Variants in LRP1B observed in about 807,000 individuals in gnomAD.
LRP1B encodes the protein LDL receptor related protein 1B.
LRP1B carries 217 observed loss-of-function variants against 556.6 expected under a neutral mutation model. That is an observed-to-expected ratio of 0.39 (90% CI 0.35 to 0.44). The LOEUF (loss-of-function observed/expected upper bound fraction) is 0.44. Among genes scored for constraint, LRP1B ranks in the 20% least tolerant of loss-of-function variants. LRP1B has a pLI of 1.00. For missense variants in LRP1B, 5,053 were observed against 5,620.8 expected, an observed-to-expected ratio of 0.90 and a Z score of 3.23; for synonymous variants, 2,047 against 1,865.8, an observed-to-expected ratio of 1.10 and a Z score of -2.50.
chr2:141,311,266 T>G (rs897606055), intron 3 of LRP1B, among the ~76,000 whole-genome samples: 1 of 152,184 alleles, frequency 6.6e-6, no homozygotes, highest in Non-Finnish European at 1.5e-5. Flanking sequence ...TTTGTTGTAA[T>G]CTTTTTTCTC....
intron 1 of LRP1B, among the ~76,000 whole-genome samples, chr2:142,031,298 C>A (rs1325914648): frequency 2.8e-5 from 4 of 144,116 alleles, no homozygotes; most frequent in Non-Finnish European, 4.6e-5. Context: ...CTGGTAAAAA[C>A]AGATATATTT....
intron 1 of LRP1B, among the ~76,000 whole-genome samples, chr2:142,080,666 T>C (rs1705678494): frequency 6.6e-6 from 1 of 152,192 alleles, no homozygotes; most frequent in South Asian, 2.1e-4. Flanking sequence ...CTTTCTACCT[T>C]GGAATGATCA....
At chr2:140,897,846 G>A (rs1301536494) in intron 23 of LRP1B, among the ~76,000 whole-genome samples, 1 of 152,106 alleles carries the variant, frequency 6.6e-6, no homozygotes, top group Non-Finnish European at 1.5e-5. Flanking sequence ...TACTTTTGAG[G>A]TTTTGGGACT....
chr2:142,090,973 G>A (rs777001070), intron 1 of LRP1B, among the ~76,000 whole-genome samples: 2 of 151,966 alleles, frequency 1.3e-5, no homozygotes, highest in Non-Finnish European at 2.9e-5. Flanking sequence ...ATATATGATT[G>A]CAATAACTTT....
intron 3 of LRP1B, among the ~76,000 whole-genome samples, chr2:141,408,333 A>T (rs62167977): frequency 0.42 from 63,912 of 151,362 alleles, 14,706 homozygotes; most frequent in Non-Finnish European, 0.53. Context: ...TTTAGTAGAG[A>T]TGGCGTTTCA....
chr2:141,625,320 C>T (rs950252723), intron 2 of LRP1B, among the ~76,000 whole-genome samples: 1 of 152,038 alleles, frequency 6.6e-6, no homozygotes, highest in African/African-American at 2.4e-5. Flanking sequence ...TAATATTATA[C>T]TCAATGATAG....
chr2:141,095,601 A>G (rs1700277844), intron 7 of LRP1B, among the ~76,000 whole-genome samples: 1 of 151,714 alleles, frequency 6.6e-6, no homozygotes, highest in Admixed American at 6.6e-5. Flanking sequence ...AGTTCTGTTC[A>G]ATTTCAATTC....
chr2:141,858,546 G>C (rs995467217), intron 1 of LRP1B, among the ~76,000 whole-genome samples: 1 of 152,118 alleles, frequency 6.6e-6, no homozygotes, highest in Admixed American at 6.6e-5. Context: ...TAACGACATA[G>C]ACTTAAGGAA....
At chr2:141,835,249 C>T (rs1697239009) in intron 1 of LRP1B, among the ~76,000 whole-genome samples, 1 of 151,952 alleles carries the variant, frequency 6.6e-6, no homozygotes, top group African/African-American at 2.4e-5. Context: ...CTAAATCACT[C>T]ATCTTTTATA....
intron 32 of LRP1B, among the ~76,000 whole-genome samples, chr2:140,776,505 T>TTTTTTTTTTTTTTTTTTTTTTTTTTTG (rs1402600516): frequency 1.3e-5 from 2 of 148,474 alleles, no homozygotes; most frequent in East Asian, 2.0e-4. Context: ...TCTTATATTT[T>TTTTTTTTTTTTTTTTTTTTTTTTTTTG]ACATAACATG....
intron 51 of LRP1B, 94 bp from the exon 52 acceptor site, chr2:140,510,150 A>G: frequency 7.2e-7 from 1 of 1,383,574 alleles, no homozygotes; most frequent in South Asian, 1.3e-5. Flanking sequence ...GGGAAGCAGA[A>G]GAATGTTGCT....
intron 2 of LRP1B, among the ~76,000 whole-genome samples, chr2:141,554,965 C>T (rs1336389763): frequency 2.0e-5 from 3 of 151,938 alleles, no homozygotes; most frequent in African/African-American, 7.2e-5. Context: ...AGAAGAGCTT[C>T]GTTCTTGGGA....
intron 41 of LRP1B, among the ~76,000 whole-genome samples, chr2:140,639,451 G>A (rs1684195249): frequency 6.6e-6 from 1 of 152,086 alleles, no homozygotes; most frequent in African/African-American, 2.4e-5. Flanking sequence ...CAAATCTTAG[G>A]CTTGCTTTAC....
intron 1 of LRP1B, among the ~76,000 whole-genome samples, chr2:142,118,735 CTTAGA>C (rs969449004): frequency 7.2e-5 from 11 of 152,170 alleles, no homozygotes; most frequent in Admixed American, 2.0e-4. Context: ...TTTTTATTTA[CTTAGA>C]TTAATTTATT....
intron 3 of LRP1B, among the ~76,000 whole-genome samples, chr2:141,421,251 G>C (rs1327913892): frequency 6.6e-6 from 1 of 152,056 alleles, no homozygotes; most frequent in Non-Finnish European, 1.5e-5. Flanking sequence ...TCTTTCGGCC[G>C]GGCGCGGTGG....
intron 1 of LRP1B, among the ~76,000 whole-genome samples, chr2:141,935,151 A>G (rs1443920884): frequency 6.6e-6 from 1 of 152,200 alleles, no homozygotes; most frequent in African/African-American, 2.4e-5. Context: ...TGGTGAATAC[A>G]TAGCTATTGG....
At chr2:141,360,455 T>TA (rs1407846836) in intron 3 of LRP1B, among the ~76,000 whole-genome samples, 1 of 152,354 alleles carries the variant, frequency 6.6e-6, no homozygotes, top group Non-Finnish European at 1.5e-5. Flanking sequence ...ACAGAATGGA[T>TA]ATGTATGTGA....
intron 37 of LRP1B, among the ~76,000 whole-genome samples, chr2:140,705,987 C>A (rs1306195041): frequency 1.3e-5 from 2 of 152,084 alleles, no homozygotes; most frequent in African/African-American, 4.8e-5. Flanking sequence ...CCTTGAGAAA[C>A]TTTGGGGATT....
At chr2:141,200,897 G>GC (rs1439128610) in intron 6 of LRP1B, among the ~76,000 whole-genome samples, 1 of 152,150 alleles carries the variant, frequency 6.6e-6, no homozygotes, top group African/African-American at 2.4e-5. Context: ...AATAGCCTTT[G>GC]CTCAAAAAAT....
Sources: allele counts gnomAD v4.1 joint callset (sites outside exome capture counted in the v4.1 genomes callset), GRCh38; gene constraint gnomAD v4.1.1; transcripts MANE v1.5; gene names NCBI Gene and HGNC (gene_info 2026-07-23, HGNC 2026-07-21).